DPH6: variants seen among roughly 807,000 people sequenced by gnomAD.
DPH6 encodes the protein diphthamine biosynthesis 6, also known as diphthine--ammonia ligase.
DPH6 carries 33 observed loss-of-function variants against 38.2 expected under a neutral mutation model. That is an observed-to-expected ratio of 0.86 (90% CI 0.65 to 1.15). The LOEUF is 1.15. Ranked by LOEUF, DPH6 falls within the 50% of genes most tolerant of loss-of-function variation. The pLI is 0.00. For synonymous variants in DPH6, 108 were observed against 103.0 expected (o/e 1.05, Z -0.30); for missense variants, 325 against 320.0 (o/e 1.02, Z -0.12).
At chr15:35,271,077 C>A (rs2051819408) in intron 3 of DPH6, among the ~76,000 whole-genome samples, 1 of 152,124 alleles carries the variant, frequency 6.6e-6, no homozygotes, top group South Asian at 2.1e-4. Context: ...ATAAATACGT[C>A]CAGGAAACCA....
At chr15:35,298,311 A>C (rs1018462888) in intron 3 of DPH6, 2 of 602,354 alleles carry the variant, frequency 3.3e-6, no homozygotes, top group African/African-American at 3.7e-5. Flanking sequence ...TGCATTTGCC[A>C]CCTGTCCACC....
At chr15:35,449,447 T>C (rs17585880) in intron 5 of DPH6, among the ~76,000 whole-genome samples, 32,889 of 152,028 alleles carry the variant, frequency 0.22, 4,709 homozygotes, top group Non-Finnish European at 0.3. Context: ...GGGAGGTCTC[T>C]CTGGGTCCTA....
In DPH6 at chr15:35,546,156, G is replaced by T. The variant is rs1377183170; in HGVS notation, c.-15C>A. 2 of 1,378,104 alleles carry T rather than the reference G, an allele frequency of 1.5e-6. No individual in the cohort carries two copies. Among genetic ancestry groups the T allele is most frequent in the African/African-American group, 3.0e-5 (2 of 67,396 alleles). The allele number at this position is 1,378,104 out of a possible 1,614,324, so 85.4% of individuals were successfully genotyped here. On this transcript the variant is annotated 5_prime_UTR_variant, in exon 1 of 9. Coordinates refer to ENST00000256538, the MANE Select transcript of DPH6 (RefSeq NM_080650.4). ...GCGACCCTCATGCTGGGCGCAGTGC[G>T]CGTGCGTGCGGCGAGCGCGGGCGGG...
At chr15:35,263,301 G>T (rs958667775) in intron 3 of DPH6, among the ~76,000 whole-genome samples, 1 of 150,376 alleles carries the variant, frequency 6.6e-6, no homozygotes, top group Non-Finnish European at 1.5e-5. Context: ...ATTAACTCTA[G>T]AAGATTCTTC....
intron 3 of DPH6, among the ~76,000 whole-genome samples, chr15:35,229,182 A>C (rs544212370): frequency 2.0e-5 from 3 of 151,888 alleles, no homozygotes; most frequent in Admixed American, 6.6e-5. Flanking sequence ...ATTACTCTTA[A>C]ATTTGCTGTT....
chr15:35,287,976 T>C (rs2051954596), intron 3 of DPH6, among the ~76,000 whole-genome samples: 1 of 152,206 alleles, frequency 6.6e-6, no homozygotes, highest in South Asian at 2.1e-4. Context: ...AGGTACTCCA[T>C]AAATAAACCA....
In DPH6 at chr15:35,479,165, T is replaced by G. The variant is rs118161617; in HGVS notation, c.313-24345A>C. Among the ~76,000 whole-genome samples, 1,459 of 152,210 alleles carry G rather than the reference T, an allele frequency of 9.6e-3. 14 individuals carry two copies. The highest frequency in any genetic ancestry group is 0.014 in the Non-Finnish European group (933 of 67,980). ...TTCAACTGTAACAAGATTCTCATTCTTTTTCACTGAGTGCAACTTTTCAAT... is the reference window on the plus strand; with the variant it reads ...TTCAACTGTAACAAGATTCTCATTCGTTTTCACTGAGTGCAACTTTTCAAT... On this transcript the variant is annotated intron_variant, in intron 3 of 8. Coordinates refer to ENST00000256538, the MANE Select transcript of DPH6 (RefSeq NM_080650.4).
rs143197673 is a variant in DPH6 at position 35,529,850 on chromosome 15, C to T, written c.312+8424G>A. 2.0e-3 allele frequency among the ~76,000 whole-genome samples: 306 copies of T among 151,938 alleles called. 1 individual carries two copies. Among genetic ancestry groups the T allele is most frequent in the African/African-American group, 6.9e-3 (285 of 41,440 alleles). ...CCTCTTTATTCACTCAATATTTTCC[C>T]ACATCAGCACATCACAGAACAAGCT... is the stretch of plus-strand genomic sequence containing the variant. On this transcript the variant is annotated intron_variant, in intron 3 of 8. Coordinates refer to ENST00000256538, the MANE Select transcript of DPH6 (RefSeq NM_080650.4).
intron 1 of DPH6, among the ~76,000 whole-genome samples, chr15:35,544,204 C>G (rs2055307717): frequency 6.6e-6 from 1 of 152,132 alleles, no homozygotes; most frequent in East Asian, 1.9e-4. Context: ...TTGCATACTT[C>G]ATTGCAAATT....
chr15:35,177,833 T>C, the DPH6 span, among the ~76,000 whole-genome samples: 1 of 151,904 alleles, frequency 6.6e-6, no homozygotes. Flanking sequence ...TCCCAGCTAC[T>C]CGGGAGGCTG....
intron 5 of DPH6, among the ~76,000 whole-genome samples, chr15:35,446,489 G>A (rs2053855727): frequency 6.6e-6 from 1 of 151,984 alleles, no homozygotes; most frequent in Admixed American, 6.5e-5. Context: ...AAAGTCCTGG[G>A]AATACAGGCA....
At chr15:35,203,520 C>T in the DPH6 span, among the ~76,000 whole-genome samples, 2 of 151,600 alleles carry the variant, frequency 1.3e-5, no homozygotes, top group Admixed American at 1.3e-4. Flanking sequence ...ATGAATGTAC[C>T]GTATGTTCTC....
At position 35,389,049 on chromosome 15, in the gene DPH6, T is replaced by C. The variant is rs541166158; in HGVS notation, c.568-7133A>G. 1.0e-3 allele frequency among the ~76,000 whole-genome samples: 155 copies of C among 152,340 alleles called. 1 individual carries two copies. In the Middle Eastern group the frequency reaches 0.01, roughly 10 times the overall value. ...AGATTCTGGTATGTTGTGTCTTTGTTCTCGTTGGTTTCAAAGAAATCTTTA... is the reference window on the plus strand; with the variant it reads ...AGATTCTGGTATGTTGTGTCTTTGTCCTCGTTGGTTTCAAAGAAATCTTTA... On this transcript the variant is annotated intron_variant, in intron 6 of 8. Transcript: ENST00000256538.
At chr15:35,149,488 C>T in the DPH6 span, among the ~76,000 whole-genome samples, 4 of 152,156 alleles carry the variant, frequency 2.6e-5, no homozygotes, top group Non-Finnish European at 4.4e-5. Flanking sequence ...TCGCCTGCCT[C>T]GGCCTCCCAA....
intron 5 of DPH6, among the ~76,000 whole-genome samples, chr15:35,430,393 G>GAAAA (rs562833474): frequency 2.9e-5 from 4 of 137,676 alleles, no homozygotes; most frequent in African/African-American, 7.9e-5. Flanking sequence ...CCTTCATACT[G>GAAAA]AAAAAAAAAA....
chr15:35,164,006 A>G, the DPH6 span, among the ~76,000 whole-genome samples: 1 of 151,880 alleles, frequency 6.6e-6, no homozygotes, highest in African/African-American at 2.4e-5. Flanking sequence ...AACATTTTCA[A>G]AGAATTGTCT....
chr15:35,485,899 T>C (rs2054391873), intron 3 of DPH6, among the ~76,000 whole-genome samples: 1 of 152,258 alleles, frequency 6.6e-6, no homozygotes, highest in Non-Finnish European at 1.5e-5. Context: ...CCCACTATCT[T>C]CCTCCAAATG....
chr15:35,179,765 T>G, the DPH6 span, among the ~76,000 whole-genome samples: 191 of 152,204 alleles, frequency 1.3e-3, 1 homozygote, highest in Middle Eastern at 6.8e-3. Context: ...GAGAATGAGA[T>G]GAGAGGATGG....
intron 5 of DPH6, among the ~76,000 whole-genome samples, chr15:35,440,653 G>A (rs934524063): frequency 1.8e-4 from 28 of 152,182 alleles, no homozygotes; most frequent in African/African-American, 6.5e-4. Flanking sequence ...ATAGAGGCAG[G>A]AGGCAGATAA....
Sources: gnomAD v4.1 joint callset for allele counts (sites outside exome capture counted in the v4.1 genomes callset) on GRCh38, gnomAD v4.1.1 for gene constraint, MANE v1.5 for transcripts, NCBI Gene and HGNC (gene_info 2026-07-23, HGNC 2026-07-21) for gene names.